The following MKLN1 variants were observed in gnomAD, a reference collection of about 807,000 sequenced individuals.
The protein encoded by MKLN1 is muskelin.
A neutral mutation model predicts 99.0 loss-of-function variants in MKLN1; 18 were observed. The ratio of observed to expected loss-of-function variants is 0.18; its 90% CI spans 0.13 to 0.27. The LOEUF is 0.27. Ranked by LOEUF, MKLN1 falls within the 10% of genes least tolerant of loss-of-function variation. The pLI is 1.00. For synonymous variants in MKLN1, 288 were observed against 293.2 expected (o/e 0.98, Z 0.18); for missense variants, 621 against 875.9 (o/e 0.71, Z 3.67).
chr7:131,476,536 A>G (rs1796973035), intron 16 of MKLN1, among the ~76,000 whole-genome samples: 1 of 152,248 alleles, frequency 6.6e-6, no homozygotes, highest in African/African-American at 2.4e-5. Context: ...AGCATAGTTT[A>G]TATTAGCATC....
At chr7:131,248,646 A>G (rs940251556) in intron 3 of MKLN1, among the ~76,000 whole-genome samples, 2 of 152,200 alleles carry the variant, frequency 1.3e-5, no homozygotes, top group Non-Finnish European at 2.9e-5. Context: ...AGGGAACTCA[A>G]TCTGAAGCAA....
chr7:131,463,401 A>G (rs374464431), intron 13 of MKLN1, 37 bp downstream of exon 13: 41 of 1,580,310 alleles, frequency 2.6e-5, no homozygotes, highest in Admixed American at 2.3e-4. Flanking sequence ...TCCCAATGTA[A>G]TAATTATTTG....
intron 3 of MKLN1, among the ~76,000 whole-genome samples, chr7:131,250,667 C>T (rs1797564437): frequency 6.6e-6 from 1 of 152,102 alleles, no homozygotes; most frequent in Admixed American, 6.5e-5. Flanking sequence ...AAACAATTTG[C>T]AGTTAATTGG....
At chr7:131,438,538 A>G (rs1795739848) in intron 10 of MKLN1, among the ~76,000 whole-genome samples, 1 of 150,762 alleles carries the variant, frequency 6.6e-6, no homozygotes, top group Non-Finnish European at 1.5e-5. Flanking sequence ...AAGACTGAAC[A>G]TAGCCTCATT....
chr7:131,163,023 CCTT>C (rs1039329233), intron 2 of MKLN1, among the ~76,000 whole-genome samples: 41 of 152,182 alleles, frequency 2.7e-4, no homozygotes, highest in African/African-American at 9.7e-4. Flanking sequence ...GTATTATCAT[CCTT>C]CTATTATGGG....
At chr7:131,404,522 G>T (rs1362459302) in intron 6 of MKLN1, among the ~76,000 whole-genome samples, 2 of 152,144 alleles carry the variant, frequency 1.3e-5, no homozygotes, top group African/African-American at 2.4e-5. Context: ...ATGTTACCCA[G>T]ACTGGTCTTT....
chr7:131,370,999 GGTCT>G (rs1793429692), intron 1 of MKLN1, among the ~76,000 whole-genome samples: 2 of 151,896 alleles, frequency 1.3e-5, no homozygotes, highest in South Asian at 4.2e-4. Flanking sequence ...CTCCGTTTCT[GGTCT>G]GTATTTTATT....
At chr7:131,314,416 A>G (rs1863009) in intron 3 of MKLN1, among the ~76,000 whole-genome samples, 122,963 of 151,980 alleles carry the variant, frequency 0.81, 49,897 homozygotes, top group African/African-American at 0.87. Context: ...AGGAGGTTGA[A>G]TCTCATTTTT....
At chr7:131,411,891 A>T (rs1794886524) in intron 7 of MKLN1, among the ~76,000 whole-genome samples, 1 of 130,834 alleles carries the variant, frequency 7.6e-6, no homozygotes, top group African/African-American at 2.9e-5. Flanking sequence ...TGGGAGACAG[A>T]TGGAGATTCC....
At chr7:131,278,166 C>G (rs964081114) in intron 3 of MKLN1, among the ~76,000 whole-genome samples, 2 of 152,158 alleles carry the variant, frequency 1.3e-5, no homozygotes, top group African/African-American at 4.8e-5. Flanking sequence ...CCTCAGCCCC[C>G]TGAATAGCTG....
At chr7:131,180,268 C>T (rs572276700) in intron 2 of MKLN1, among the ~76,000 whole-genome samples, 3 of 152,326 alleles carry the variant, frequency 2.0e-5, no homozygotes, top group South Asian at 2.1e-4. Context: ...TTCCCCTTCA[C>T]GCTACAGCAG....
chr7:131,348,320 A>G (rs1186534724), intron 1 of MKLN1, among the ~76,000 whole-genome samples: 1 of 152,194 alleles, frequency 6.6e-6, no homozygotes, highest in African/African-American at 2.4e-5. Flanking sequence ...GAGTTTTTGA[A>G]AGTCCAGCAT....
intron 3 of MKLN1, among the ~76,000 whole-genome samples, chr7:131,246,745 G>T (rs1797495904): frequency 6.6e-6 from 1 of 151,884 alleles, no homozygotes; most frequent in South Asian, 2.1e-4. Flanking sequence ...GCCTCCCAAA[G>T]TGCTGGGATT....
At chr7:131,376,369 C>T (rs1426529067) in intron 2 of MKLN1, among the ~76,000 whole-genome samples, 3 of 145,666 alleles carry the variant, frequency 2.1e-5, no homozygotes, top group Non-Finnish European at 3.0e-5. Flanking sequence ...AATGGCTGGG[C>T]GCGGTGGCTC....
chr7:131,345,906 A>G (rs995363121), intron 1 of MKLN1, among the ~76,000 whole-genome samples: 6 of 152,194 alleles, frequency 3.9e-5, no homozygotes, highest in African/African-American at 1.4e-4. Context: ...GGTCAATAAT[A>G]TACTTATGAA....
At chr7:131,207,441 G>A (rs13241409) in intron 3 of MKLN1, among the ~76,000 whole-genome samples, 27,022 of 151,894 alleles carry the variant, frequency 0.18, 2,895 homozygotes, top group African/African-American at 0.3. Context: ...CAAGTGATCC[G>A]CCCACCTCGG....
Position 131,376,557 on chromosome 7 carries a change from G to A in MKLN1, c.168+1064G>A, listed in dbSNP as rs1178461330. Among the ~76,000 whole-genome samples the A allele has an allele frequency of 5.3e-5, 8 of 150,050 alleles. No individual in the cohort carries two copies. In the East Asian group the frequency reaches 1.4e-3, roughly 26 times the overall value. On this transcript the variant is annotated intron_variant, in intron 2 of 17. Transcript: ENST00000352689. ...CTCGGGAGGCTGAGGCAGGAGAATCGTTTGAACCCAGGAGGCAGAGGTTTC... is the reference window on the plus strand; with the variant it reads ...CTCGGGAGGCTGAGGCAGGAGAATCATTTGAACCCAGGAGGCAGAGGTTTC...
At chr7:131,460,274 C>T (rs1421676112) in intron 12 of MKLN1, among the ~76,000 whole-genome samples, 1 of 152,030 alleles carries the variant, frequency 6.6e-6, no homozygotes, top group Non-Finnish European at 1.5e-5. Context: ...TTTTTTCCTC[C>T]TGTCTATAAT....
In MKLN1 at chr7:131,223,892, G is replaced by A. The variant is rs1346289593; in HGVS notation, c.-179+20918G>A. Among the ~76,000 whole-genome samples the A allele has an allele frequency of 3.3e-5, 5 of 152,050 alleles. No individual in the cohort carries two copies. In the South Asian group the frequency reaches 1.0e-3, roughly 32 times the overall value. On this transcript the variant is annotated intron_variant, in intron 3 of 7. Transcript: ENST00000416992. Reference sequence around the variant, plus strand: ...AGCGATTCTCCTGACTCAGCCTCCTGAGTAGCTGGGATTACAGGCACACAC... The same window carrying A: ...AGCGATTCTCCTGACTCAGCCTCCTAAGTAGCTGGGATTACAGGCACACAC...
Sources: allele counts gnomAD v4.1 joint callset (sites outside exome capture counted in the v4.1 genomes callset), GRCh38; gene constraint gnomAD v4.1.1; transcripts MANE v1.5; gene names NCBI Gene and HGNC (gene_info 2026-07-23, HGNC 2026-07-21).